The following PRKN variants were observed in gnomAD, a reference collection of about 807,000 sequenced individuals.
PRKN encodes E3 ubiquitin-protein ligase parkin.
Under a neutral mutation model 59.5 loss-of-function variants are expected in PRKN, and 56 were observed. The observed-to-expected ratio is 0.94, with a 90% CI of 0.76 to 1.18. PRKN has a LOEUF of 1.18. PRKN is among the 50% of genes most tolerant of loss of function. The pLI is 0.00. For synonymous variants in PRKN, 250 were observed against 222.1 expected (o/e 1.13, Z -1.12); for missense variants, 657 against 596.4 (o/e 1.10, Z -1.06).
At chr6:162,444,434 T>A (rs1406575974) in intron 1 of PRKN, among the ~76,000 whole-genome samples, 1 of 151,988 alleles carries the variant, frequency 6.6e-6, no homozygotes, top group African/African-American at 2.4e-5. Flanking sequence ...CAAACCTACA[T>A]TCCAGCATTT....
Position 161,372,353 on chromosome 6 carries a change from C to T in PRKN, c.1168-12148G>A, listed in dbSNP as rs1785474373. ...GATGGGATTCTGAATGCGGAATCAT[C>T]ACTAATAGGATGTGAGAGGGGTCAA... On this transcript the variant is annotated intron_variant, in intron 10 of 11. Transcript: ENST00000366898. The surrounding 1 kb of genome is among the most constrained non-coding windows in gnomAD (Gnocchi z 4.2). Among the ~76,000 whole-genome samples, 1 of 152,190 alleles carries T rather than the reference C, an allele frequency of 6.6e-6. No homozygotes were observed. The highest frequency in any genetic ancestry group is 2.4e-5 in the African/African-American group (1 of 41,458).
chr6:162,299,619 CTTTA>C (rs1218647418), intron 2 of PRKN, among the ~76,000 whole-genome samples: 5 of 151,504 alleles, frequency 3.3e-5, no homozygotes, highest in Admixed American at 6.6e-5. Flanking sequence ...TATCACTTCC[CTTTA>C]TTTAATCCTT....
intron 1 of PRKN, among the ~76,000 whole-genome samples, chr6:162,608,192 T>C (rs942058931): frequency 5.3e-5 from 8 of 151,826 alleles, no homozygotes; most frequent in African/African-American, 1.9e-4. Flanking sequence ...GGGAGTCAGG[T>C]GGAGAAAAGA....
chr6:161,550,201 G>A lies in PRKN; in HGVS notation c.934-1198C>T, dbSNP rs1275587863. ...GGTACAACAAGGGGGGCAGTGGGGC[G>A]GAGGCAGAGAGAACAAGGAGGGAAA... On this transcript the variant is annotated intron_variant, in intron 8 of 11. Transcript: ENST00000366898. The surrounding 1 kb of genome is among the most constrained non-coding windows in gnomAD (Gnocchi z 4.0). 2.6e-5 allele frequency among the ~76,000 whole-genome samples: 4 copies of A among 152,136 alleles called. No homozygotes were observed. Among genetic ancestry groups the A allele is most frequent in the South Asian group, 2.1e-4 (1 of 4,828 alleles).
At chr6:161,380,467 T>C (rs1216509857) in intron 10 of PRKN, among the ~76,000 whole-genome samples, 1 of 144,686 alleles carries the variant, frequency 6.9e-6, no homozygotes, top group Non-Finnish European at 1.5e-5. Flanking sequence ...AGTCTTGCAC[T>C]GTTGCCTGGG....
chr6:162,121,621 T>C (rs1031883814), intron 4 of PRKN, among the ~76,000 whole-genome samples: 11 of 152,226 alleles, frequency 7.2e-5, no homozygotes, highest in African/African-American at 7.2e-5. Context: ...GATACAATTA[T>C]ATGTCAATGT....
chr6:162,474,670 C>T (rs1459195301), intron 1 of PRKN, among the ~76,000 whole-genome samples: 1 of 152,104 alleles, frequency 6.6e-6, no homozygotes, highest in African/African-American at 2.4e-5. Flanking sequence ...ACTTGGAAGG[C>T]CATATTACAA....
intron 6 of PRKN, among the ~76,000 whole-genome samples, chr6:161,890,928 ACTTGC>A (rs1380801718): frequency 3.3e-5 from 5 of 152,214 alleles, no homozygotes; most frequent in Non-Finnish European, 7.3e-5. Flanking sequence ...GCCAGGCGGA[ACTTGC>A]CTTTACAGCA....
intron 2 of PRKN, among the ~76,000 whole-genome samples, chr6:162,362,394 C>A (rs898380629): frequency 6.6e-6 from 1 of 152,040 alleles, no homozygotes; most frequent in African/African-American, 2.4e-5. Context: ...TGCTTAGTTA[C>A]CTATCTTTAA....
chr6:161,798,232 A>G (rs1195290081), intron 6 of PRKN, among the ~76,000 whole-genome samples: 1 of 152,146 alleles, frequency 6.6e-6, no homozygotes, highest in Non-Finnish European at 1.5e-5. Flanking sequence ...CAAACCAAAC[A>G]AACAAAAAAA....
chr6:161,681,529 T>C (rs1278059545), intron 7 of PRKN, among the ~76,000 whole-genome samples: 1 of 151,924 alleles, frequency 6.6e-6, no homozygotes, highest in Non-Finnish European at 1.5e-5. Flanking sequence ...CAAGTAACAA[T>C]AAATTTAAAA....
intron 6 of PRKN, among the ~76,000 whole-genome samples, chr6:161,867,849 C>T (rs917823703): frequency 2.6e-5 from 4 of 151,844 alleles, no homozygotes; most frequent in Admixed American, 6.6e-5. Flanking sequence ...AAACCTCCAC[C>T]TCCCAGGTTC....
At chr6:161,478,171 TGA>T (rs1020275549) in intron 9 of PRKN, among the ~76,000 whole-genome samples, 11 of 152,198 alleles carry the variant, frequency 7.2e-5, no homozygotes, top group Admixed American at 5.9e-4. Flanking sequence ...TGAACAAATT[TGA>T]GAGTGAAAGG....
At chr6:161,727,953 A>T (rs1025565392) in intron 7 of PRKN, among the ~76,000 whole-genome samples, 1 of 152,226 alleles carries the variant, frequency 6.6e-6, no homozygotes, top group Admixed American at 6.5e-5. Flanking sequence ...TCATCTTATT[A>T]AAAACAGATT....
At chr6:162,443,527 T>G (rs1014567545) in intron 1 of PRKN, 54 bp from the exon 2 acceptor site, 1 of 1,518,956 alleles carries the variant, frequency 6.6e-7, no homozygotes, top group Non-Finnish European at 9.1e-7. Context: ...TCGAAGCCCT[T>G]AAATGGTGAT....
chr6:162,501,944 T>G (rs1198664433), intron 1 of PRKN, among the ~76,000 whole-genome samples: 1 of 152,056 alleles, frequency 6.6e-6, no homozygotes, highest in African/African-American at 2.4e-5. Flanking sequence ...TGATGTAATG[T>G]GGGAAAAAGA....
intron 1 of PRKN, among the ~76,000 whole-genome samples, chr6:162,584,746 GTT>G (rs1780939354): frequency 1.4e-5 from 2 of 141,842 alleles, no homozygotes; most frequent in Admixed American, 7.6e-5. Context: ...ACCTTTCTGG[GTT>G]TCTTTCTTTT....
At chr6:162,618,769 G>C (rs929766737) in intron 1 of PRKN, among the ~76,000 whole-genome samples, 3 of 152,166 alleles carry the variant, frequency 2.0e-5, no homozygotes, top group African/African-American at 7.2e-5. Context: ...AAAGTTAATT[G>C]CTTGTCTATC....
At chr6:162,433,865 G>C (rs1789650758) in intron 2 of PRKN, among the ~76,000 whole-genome samples, 1 of 152,050 alleles carries the variant, frequency 6.6e-6, no homozygotes, top group African/African-American at 2.4e-5. Flanking sequence ...ATTTGAAATT[G>C]AGTTTGTGAT....
Sources: gnomAD v4.1 joint callset for allele counts (sites outside exome capture counted in the v4.1 genomes callset) on GRCh38, gnomAD v4.1.1 for gene constraint, Gnocchi (gnomAD v3.1) non-coding constraint, MANE v1.5 for transcripts, NCBI Gene and HGNC (gene_info 2026-07-23, HGNC 2026-07-21) for gene names.